Variants in CPVL observed in about 807,000 individuals in gnomAD.
CPVL encodes probable serine carboxypeptidase CPVL.
In CPVL, 51 loss-of-function variants were observed where a neutral mutation model predicts 63.7. That is an observed-to-expected ratio of 0.80 (90% CI 0.64 to 1.01). The LOEUF (loss-of-function observed/expected upper bound fraction) is 1.01. CPVL is among the 50% of genes least tolerant of loss of function. CPVL has a pLI of 0.00. For synonymous variants in CPVL, 195 were observed against 206.0 expected, an observed-to-expected ratio of 0.95 and a Z score of 0.46; for missense variants, 530 against 573.1, an observed-to-expected ratio of 0.92 and a Z score of 0.77.
chr7:29,074,869 A>AT (rs1784090999), intron 7 of CPVL, among the ~76,000 whole-genome samples: 1 of 151,772 alleles, frequency 6.6e-6, no homozygotes, highest in Non-Finnish European at 1.5e-5. Flanking sequence ...TTTCAAAACT[A>AT]TATTATGGAA....
intron 3 of CPVL, among the ~76,000 whole-genome samples, chr7:29,111,632 A>G (rs556340010): frequency 7.9e-5 from 12 of 152,340 alleles, no homozygotes; most frequent in Admixed American, 1.3e-4. Context: ...CATTTCTTAC[A>G]TGCCCCAACC....
chr7:29,090,871 T>A (rs1190654422), intron 6 of CPVL, among the ~76,000 whole-genome samples: 1 of 152,136 alleles, frequency 6.6e-6, no homozygotes, highest in Non-Finnish European at 1.5e-5. Flanking sequence ...TCAAAAAGAA[T>A]GAGATTTTCT....
chr7:29,089,777 A>G (rs1222490180), intron 6 of CPVL, among the ~76,000 whole-genome samples: 1 of 152,212 alleles, frequency 6.6e-6, no homozygotes, highest in Non-Finnish European at 1.5e-5. Flanking sequence ...ACTAGGCAGT[A>G]GCCCTGCAGG....
intron 12 of CPVL, among the ~76,000 whole-genome samples, chr7:29,002,737 A>G (rs1364241917): frequency 1.3e-5 from 2 of 152,106 alleles, no homozygotes; most frequent in African/African-American, 4.8e-5. Context: ...TTCATTGTTC[A>G]TTGAAATTAA....
intron 1 of CPVL, among the ~76,000 whole-genome samples, chr7:29,187,231 T>A (rs187015746): frequency 1.3e-5 from 2 of 152,286 alleles, no homozygotes; most frequent in Admixed American, 6.5e-5. Flanking sequence ...AATCTGTCTA[T>A]ACTTTTATTG....
chr7:29,029,901 C>G (rs1787864449), intron 12 of CPVL, among the ~76,000 whole-genome samples: 1 of 152,132 alleles, frequency 6.6e-6, no homozygotes, highest in Non-Finnish European at 1.5e-5. Context: ...CAAAATATTA[C>G]ATGTATTCTA....
At chr7:29,149,725 T>A (rs1228147735), upstream of CPVL, among the ~76,000 whole-genome samples, 2 of 152,118 alleles carry the variant, frequency 1.3e-5, no homozygotes, top group Non-Finnish European at 2.9e-5. Context: ...TCGCTGCTTC[T>A]AGGTTCTGGT....
At chr7:29,067,901 G>A (rs1210577722) in intron 9 of CPVL, among the ~76,000 whole-genome samples, 1 of 151,962 alleles carries the variant, frequency 6.6e-6, no homozygotes, top group African/African-American at 2.4e-5. Flanking sequence ...ACTCAACCAC[G>A]CACACACTGG....
chr7:29,062,022 C>T (rs1020844982), intron 11 of CPVL, among the ~76,000 whole-genome samples: 1 of 151,896 alleles, frequency 6.6e-6, no homozygotes, highest in African/African-American at 2.4e-5. Context: ...AACTTATCTG[C>T]TCTCCTCTCA....
In CPVL at chr7:29,095,112, G is replaced by A. The variant is rs760624210; in HGVS notation, c.434C>T (p.Thr145Met). The change falls in exon 5 of 13, where the codon ACG becomes ATG. Residue 145 changes from threonine to methionine, a missense_variant. Thr to Met is a moderately conservative substitution (Grantham distance 81, BLOSUM62 -1). Transcript: ENST00000265394. ...ATTGTCAATGTAAAGCATGGAGAGC[G>A]TTGTGGTCCAGGGGAAGTCTCTGTC... ...LRDRDFPWTTTLSMLYIDNPV... is the reference protein window; with the variant it reads ...LRDRDFPWTTMLSMLYIDNPV... 9 of 1,613,914 alleles carry A rather than the reference G, an allele frequency of 5.6e-6. No individual in the cohort carries two copies. The highest frequency in any genetic ancestry group is 1.6e-4 in the Middle Eastern group (1 of 6,084).
rs368239468 is a variant in CPVL at position 29,194,936 on chromosome 7, G to A, written c.-448+141C>T. On this transcript the variant is annotated intron_variant, in intron 1 of 16. Coordinates refer to the CPVL transcript ENST00000409850. ...GAGCGAGCAGCGACGCGAGGGGCGCGCGGAGATGGCAGCGTCCAGCAACTC... is the reference window on the plus strand; with the variant it reads ...GAGCGAGCAGCGACGCGAGGGGCGCACGGAGATGGCAGCGTCCAGCAACTC... 3.2e-4 allele frequency: 504 copies of A among 1,566,798 alleles called. 1 individual carries two copies. The highest frequency in any genetic ancestry group is 3.6e-4 in the Non-Finnish European group (422 of 1,160,556).
chr7:29,063,935 G>A, intron 11 of CPVL, 126 bp downstream of exon 11: 1 of 636,980 alleles, frequency 1.6e-6, no homozygotes, highest in South Asian at 2.0e-5. Context: ...GAAAGGGGCT[G>A]TTATTTATGC....
At chr7:29,043,985 G>A (rs908732455) in intron 11 of CPVL, among the ~76,000 whole-genome samples, 1 of 152,140 alleles carries the variant, frequency 6.6e-6, no homozygotes, top group Middle Eastern at 3.4e-3. Context: ...ATGGCAAACA[G>A]ACTCAAATCA....
chr7:29,111,351 T>C (rs1037011295), intron 3 of CPVL, among the ~76,000 whole-genome samples: 5 of 152,178 alleles, frequency 3.3e-5, no homozygotes, highest in Non-Finnish European at 7.4e-5. Context: ...ACCACCCGAT[T>C]CCACCTGGCT....
intron 12 of CPVL, among the ~76,000 whole-genome samples, chr7:29,015,307 T>G (rs969398260): frequency 1.3e-5 from 2 of 152,234 alleles, no homozygotes; most frequent in Admixed American, 1.3e-4. Flanking sequence ...GTGGTATGGT[T>G]TGGATCTGTG....
chr7:29,086,807 T>TA (rs1785248103), intron 6 of CPVL, among the ~76,000 whole-genome samples: 1 of 152,194 alleles, frequency 6.6e-6, no homozygotes, highest in Non-Finnish European at 1.5e-5. Flanking sequence ...GTTTGGATCA[T>TA]CTAACTGTTG....
chr7:29,050,809 A>G (rs1790076687), intron 11 of CPVL, among the ~76,000 whole-genome samples: 1 of 152,116 alleles, frequency 6.6e-6, no homozygotes, highest in Non-Finnish European at 1.5e-5. Context: ...AAGCAAAAAA[A>G]AAAAACAAAT....
chr7:29,069,016 G>C (rs1783433248), intron 9 of CPVL, among the ~76,000 whole-genome samples: 1 of 151,856 alleles, frequency 6.6e-6, no homozygotes, highest in Non-Finnish European at 1.5e-5. Flanking sequence ...CACCCAGATG[G>C]GGCACCATAG....
chr7:29,077,987 C>T (rs1784381367), intron 7 of CPVL, among the ~76,000 whole-genome samples: 1 of 152,104 alleles, frequency 6.6e-6, no homozygotes, highest in Non-Finnish European at 1.5e-5. Flanking sequence ...CTTAAAATGG[C>T]CAGTTTAGAA....
Sources: allele counts gnomAD v4.1 joint callset (sites outside exome capture counted in the v4.1 genomes callset), GRCh38; gene constraint gnomAD v4.1.1; transcripts MANE v1.5; gene names NCBI Gene and HGNC (gene_info 2026-07-23, HGNC 2026-07-21).